Variants in ZNG1C observed in about 807,000 individuals in gnomAD.
ZNG1C encodes the protein zinc-regulated GTPase metalloprotein activator 1C.
the ZNG1C span, among the ~76,000 whole-genome samples, chr9:68,244,150 G>A: frequency 4.5e-5 from 2 of 44,670 alleles, 1 homozygote; most frequent in Admixed American, 5.6e-4. Context: ...GTCTTAAAGT[G>A]TTTTTTTTTT....
the ZNG1C span, among the ~76,000 whole-genome samples, chr9:68,278,579 A>G: frequency 2.9e-5 from 1 of 34,506 alleles, no homozygotes; most frequent in Non-Finnish European, 6.8e-5. Context: ...GTAGTCATTC[A>G]GGAGCAGGTT....
the ZNG1C span, among the ~76,000 whole-genome samples, chr9:68,294,037 C>A: frequency 1.3e-5 from 2 of 151,840 alleles, no homozygotes; most frequent in African/African-American, 4.8e-5. Context: ...AAGGAACCTT[C>A]AAAACCATGC....
At chr9:68,276,947 T>C in the ZNG1C span, among the ~76,000 whole-genome samples, 1 of 90,906 alleles carries the variant, frequency 1.1e-5, no homozygotes, top group African/African-American at 4.6e-5. Flanking sequence ...GCATGGAATG[T>C]TCTTCCATTT....
chr9:68,257,908 T>C, the ZNG1C span, among the ~76,000 whole-genome samples: 1 of 145,852 alleles, frequency 6.9e-6, no homozygotes, highest in East Asian at 2.0e-4. Context: ...TGAGCTCTAA[T>C]ATATGTGGCG....
the ZNG1C span, among the ~76,000 whole-genome samples, chr9:68,244,508 A>G: frequency 8.7e-6 from 1 of 115,128 alleles, no homozygotes; most frequent in African/African-American, 3.6e-5. Context: ...ACTTTATTTC[A>G]GAAGACATGT....
chr9:68,255,964 T>A, the ZNG1C span, among the ~76,000 whole-genome samples: 1 of 148,290 alleles, frequency 6.7e-6, no homozygotes, highest in African/African-American at 2.6e-5. Flanking sequence ...AACTATTACG[T>A]TTTTGGGAAA....
the ZNG1C span, among the ~76,000 whole-genome samples, chr9:68,257,548 A>C: frequency 6.9e-5 from 7 of 100,934 alleles, 1 homozygote; most frequent in African/African-American, 1.2e-4. Flanking sequence ...TTAAAAAAAA[A>C]AATGCTTTGT....
chr9:68,255,758 C>T, the ZNG1C span, among the ~76,000 whole-genome samples: 1,429 of 151,172 alleles, frequency 9.5e-3, no homozygotes, highest in East Asian at 0.035. Context: ...TAATTTTCCC[C>T]CTCATTAATT....
At chr9:68,299,163 C>T in the ZNG1C span, 2 of 1,400,920 alleles carry the variant, frequency 1.4e-6, no homozygotes, top group South Asian at 2.6e-5. Flanking sequence ...TCATGTGCCA[C>T]TTAAACAGAT....
the ZNG1C span, among the ~76,000 whole-genome samples, chr9:68,244,714 G>A: frequency 1.7e-5 from 2 of 116,030 alleles, no homozygotes; most frequent in African/African-American, 7.1e-5. Context: ...TTCTACTGGA[G>A]ATTGACATAT....
the ZNG1C span, among the ~76,000 whole-genome samples, chr9:68,296,749 T>C: frequency 6.6e-6 from 1 of 151,556 alleles, no homozygotes; most frequent in East Asian, 1.9e-4. Context: ...TGCTTAGCCC[T>C]TGTGTATTTT....
chr9:68,250,048 GT>G, the ZNG1C span, among the ~76,000 whole-genome samples: 4 of 123,926 alleles, frequency 3.2e-5, no homozygotes, highest in East Asian at 8.2e-4. Context: ...ACTTTTGAGA[GT>G]TTAATTAAAC....
the ZNG1C span, among the ~76,000 whole-genome samples, chr9:68,288,013 G>A: frequency 2.2e-5 from 2 of 92,016 alleles, no homozygotes; most frequent in Non-Finnish European, 2.1e-5. Context: ...GTTAGTTATG[G>A]TATGGAAGAG....
At chr9:68,257,232 T>G in the ZNG1C span, among the ~76,000 whole-genome samples, 1 of 133,722 alleles carries the variant, frequency 7.5e-6, no homozygotes, top group Non-Finnish European at 1.6e-5. Context: ...GAGACGGGGT[T>G]TCGCCATGTT....
At chr9:68,284,488 GCT>G in the ZNG1C span, among the ~76,000 whole-genome samples, 1 of 28,320 alleles carries the variant, frequency 3.5e-5, no homozygotes, top group African/African-American at 1.5e-4. Flanking sequence ...TCTGTCTTTT[GCT>G]ATAATTTGCT....
chr9:68,267,077 C>G, the ZNG1C span, among the ~76,000 whole-genome samples: 3 of 151,340 alleles, frequency 2.0e-5, no homozygotes, highest in African/African-American at 7.3e-5. Context: ...AATAAAAGCC[C>G]TATACAGAGA....
the ZNG1C span, chr9:68,247,700 G>C: frequency 7.1e-6 from 6 of 849,320 alleles, no homozygotes; most frequent in African/African-American, 2.1e-5. Flanking sequence ...TGCCTCTGCT[G>C]TTCAGTGAAG....
At chr9:68,244,530 G>T in the ZNG1C span, among the ~76,000 whole-genome samples, 1 of 125,204 alleles carries the variant, frequency 8.0e-6, no homozygotes, top group Non-Finnish European at 1.7e-5. Flanking sequence ...TAGCCTACAT[G>T]TAAAAGTTTT....
At chr9:68,269,087 G>A in the ZNG1C span, 22 of 1,360,610 alleles carry the variant, frequency 1.6e-5, no homozygotes, top group African/African-American at 2.6e-4. Context: ...AGATCTAAGT[G>A]CATTTAAAAA....
Sources: gnomAD v4.1 joint callset for allele counts (sites outside exome capture counted in the v4.1 genomes callset) on GRCh38, gnomAD v4.1.1 for gene constraint, MANE v1.5 for transcripts, NCBI Gene and HGNC (gene_info 2026-07-23, HGNC 2026-07-21) for gene names.